Variants in RNF17 observed in about 807,000 individuals in gnomAD.
RNF17 encodes ring finger protein 17.
RNF17 carries 31 observed loss-of-function variants against 200.5 expected under a neutral mutation model. The observed-to-expected ratio is 0.15, with a 90% CI of 0.12 to 0.21. The LOEUF is 0.21. RNF17 is among the 10% of genes least tolerant of loss of function. The pLI is 1.00. For missense variants in RNF17, 1,628 were observed against 1,905.1 expected (o/e 0.85, Z 2.71); for synonymous variants, 606 against 637.8 (o/e 0.95, Z 0.75).
At chr13:24,786,273 C>A (rs879360135) in intron 6 of RNF17, among the ~76,000 whole-genome samples, 1 of 152,138 alleles carries the variant, frequency 6.6e-6, no homozygotes, top group Non-Finnish European at 1.5e-5. Flanking sequence ...GACAGCTTAA[C>A]TTTAGTTGCA....
chr13:24,844,503 T>C, intron 20 of RNF17, 149 bp from the exon 21 acceptor site: 1 of 627,908 alleles, frequency 1.6e-6, no homozygotes, highest in Non-Finnish European at 2.7e-6. Context: ...TTCAAAAACC[T>C]GAGGAAGAAA....
chr13:24,764,023 T>G, upstream of RNF17: 1 of 508,588 alleles, frequency 2.0e-6, no homozygotes, highest in Non-Finnish European at 3.5e-6. Context: ...CTTCTAGGAG[T>G]GGTACCTCCC....
chr13:24,789,269 GT>G, intron 7 of RNF17, 78 bp from the exon 8 acceptor site: 1 of 970,834 alleles, frequency 1.0e-6, no homozygotes. Context: ...AAAAGATACA[GT>G]TTTCTTTCTA....
chr13:24,778,118 C>A (rs913873840), intron 3 of RNF17, among the ~76,000 whole-genome samples, 177 bp from the exon 4 acceptor site: 1 of 151,994 alleles, frequency 6.6e-6, no homozygotes, highest in Non-Finnish European at 1.5e-5. Flanking sequence ...AAAAATTAGC[C>A]GAGTGTGGTG....
At chr13:24,878,241 T>G (rs1007567655) in intron 34 of RNF17, among the ~76,000 whole-genome samples, 1 of 152,246 alleles carries the variant, frequency 6.6e-6, no homozygotes, top group African/African-American at 2.4e-5. Flanking sequence ...TGAAAACCTG[T>G]GTATATATGC....
intron 22 of RNF17, among the ~76,000 whole-genome samples, chr13:24,848,352 ACAG>A (rs1329517222): frequency 6.6e-6 from 1 of 152,248 alleles, no homozygotes; most frequent in Admixed American, 6.5e-5. Context: ...TCTTAAGTGT[ACAG>A]TTCTATGACA....
intron 25 of RNF17, among the ~76,000 whole-genome samples, chr13:24,856,780 T>C (rs1178860689): frequency 1.3e-5 from 2 of 152,250 alleles, no homozygotes; most frequent in East Asian, 3.9e-4. Flanking sequence ...ACTTTTAGTG[T>C]GTATACAAGT....
rs776374501 is a variant in RNF17, at chr13:24,844,815, G to C, written c.2982+13G>C. On this transcript the variant is annotated intron_variant, in intron 21 of 35. Transcript: ENST00000255324. ...CACATTGGTAGAGGTAAATTACAGAGTTAAAAGTGTAATTGTGAAGGTGAA... is the reference window on the plus strand; with the variant it reads ...CACATTGGTAGAGGTAAATTACAGACTTAAAAGTGTAATTGTGAAGGTGAA... 5 of 1,605,676 alleles carry C rather than the reference G, an allele frequency of 3.1e-6. No individual in the cohort carries two copies. Among genetic ancestry groups the C allele is most frequent in the Non-Finnish European group, 4.3e-6 (5 of 1,176,006 alleles).
the RNF17 span, among the ~76,000 whole-genome samples, chr13:24,748,374 T>A: frequency 6.6e-6 from 1 of 152,162 alleles, no homozygotes; most frequent in Non-Finnish European, 1.5e-5. Flanking sequence ...GACTTAGAAA[T>A]GGGTTTGAAT....
intron 18 of RNF17, among the ~76,000 whole-genome samples, chr13:24,832,257 G>T (rs887094464): frequency 6.6e-6 from 1 of 152,184 alleles, no homozygotes; most frequent in Admixed American, 6.5e-5. Flanking sequence ...TTTTGCTAGG[G>T]CTCTGTCCTT....
intron 9 of RNF17, among the ~76,000 whole-genome samples, chr13:24,789,982 A>T (rs1207162028): frequency 6.6e-6 from 1 of 152,164 alleles, no homozygotes; most frequent in East Asian, 1.9e-4. Flanking sequence ...TATCTTTGAG[A>T]TTGATTCAGT....
At chr13:24,869,934 ATTT>A (rs34196797) in intron 31 of RNF17, among the ~76,000 whole-genome samples, 16 of 83,768 alleles carry the variant, frequency 1.9e-4, no homozygotes, top group East Asian at 1.4e-3. Flanking sequence ...TGCCCAGCTA[ATTT>A]TTTTTTTTTT....
At chr13:24,786,822 A>G (rs1183462253) in intron 6 of RNF17, among the ~76,000 whole-genome samples, 3 of 152,098 alleles carry the variant, frequency 2.0e-5, no homozygotes, top group Non-Finnish European at 2.9e-5. Flanking sequence ...CAGCAGTTGG[A>G]GTTCCTTGAG....
At chr13:24,820,121 C>CTTTTT (rs200683421) in intron 15 of RNF17, among the ~76,000 whole-genome samples, 3 of 113,296 alleles carry the variant, frequency 2.6e-5, no homozygotes, top group East Asian at 2.8e-4. Context: ...TTTCTTTTTT[C>CTTTTT]TTTTTTTTTT....
the RNF17 span, among the ~76,000 whole-genome samples, chr13:24,758,950 C>T: frequency 6.6e-6 from 1 of 151,768 alleles, no homozygotes; most frequent in East Asian, 1.9e-4. Flanking sequence ...GTGGTGTGTG[C>T]CTGTAGTCCC....
chr13:24,759,290 A>G (rs775558775), upstream of RNF17, among the ~76,000 whole-genome samples: 1 of 152,126 alleles, frequency 6.6e-6, no homozygotes, highest in African/African-American at 2.4e-5. Flanking sequence ...AAAAGCTAAT[A>G]TTACATTGTT....
At chr13:24,868,081 T>C (rs1484277965) in intron 30 of RNF17, among the ~76,000 whole-genome samples, 1 of 152,208 alleles carries the variant, frequency 6.6e-6, no homozygotes, top group Non-Finnish European at 1.5e-5. Flanking sequence ...AAATACTTTT[T>C]GAAATTAGAG....
At chr13:24,815,289 G>A (rs959424742) in intron 15 of RNF17, among the ~76,000 whole-genome samples, 8 of 151,992 alleles carry the variant, frequency 5.3e-5, no homozygotes, top group African/African-American at 1.9e-4. Flanking sequence ...AATTCTTTTA[G>A]ATGTTGTTGT....
intron 34 of RNF17, among the ~76,000 whole-genome samples, chr13:24,877,394 C>T (rs1464502229): frequency 6.6e-6 from 1 of 152,078 alleles, no homozygotes; most frequent in Non-Finnish European, 1.5e-5. Flanking sequence ...ATTTAACAAA[C>T]TGCTTACCCC....
Sources: gnomAD v4.1 joint callset for allele counts (sites outside exome capture counted in the v4.1 genomes callset) on GRCh38, gnomAD v4.1.1 for gene constraint, MANE v1.5 for transcripts, NCBI Gene and HGNC (gene_info 2026-07-23, HGNC 2026-07-21) for gene names.